Variants in EXOC4 observed in about 807,000 individuals in gnomAD.
The protein encoded by EXOC4 is SEC8-like 1.
A neutral mutation model predicts 107.2 loss-of-function variants in EXOC4; 71 were observed. The ratio of observed to expected loss-of-function variants is 0.66; its 90% CI spans 0.55 to 0.81. The LOEUF (loss-of-function observed/expected upper bound fraction) is 0.81, where lower values mean the gene tolerates loss of function less well. EXOC4 is among the 30% of genes least tolerant of loss of function. The pLI, the probability that EXOC4 is intolerant of heterozygous loss-of-function variation, is 0.00. For synonymous variants in EXOC4, 456 were observed against 441.2 expected, an observed-to-expected ratio of 1.03 and a Z score of -0.42; for missense variants, 1,108 against 1,189.6, an observed-to-expected ratio of 0.93 and a Z score of 1.01.
chr7:133,857,566 G>C (rs1299923506), intron 11 of EXOC4, among the ~76,000 whole-genome samples: 1 of 149,670 alleles, frequency 6.7e-6, no homozygotes, highest in Non-Finnish European at 1.5e-5. Flanking sequence ...TGCCCACTGA[G>C]GGCAAGCCAG....
At chr7:134,095,736 A>G in the EXOC4 span, among the ~76,000 whole-genome samples, 5 of 152,224 alleles carry the variant, frequency 3.3e-5, no homozygotes, top group Non-Finnish European at 4.4e-5. Context: ...CTTCCTATTC[A>G]ATAAATCTTG....
At chr7:133,937,707 C>T (rs1284478345) in intron 13 of EXOC4, among the ~76,000 whole-genome samples, 184 bp from the exon 14 acceptor site, 1 of 152,114 alleles carries the variant, frequency 6.6e-6, no homozygotes, top group Non-Finnish European at 1.5e-5. Flanking sequence ...GAACTTTTTC[C>T]CTTATCAGAA....
At chr7:133,329,469 G>C (rs1795327216) in intron 5 of EXOC4, among the ~76,000 whole-genome samples, 3 of 152,258 alleles carry the variant, frequency 2.0e-5, no homozygotes, top group South Asian at 2.1e-4. Context: ...TTCCCTTGCT[G>C]CTGAGGAGTT....
intron 9 of EXOC4, among the ~76,000 whole-genome samples, chr7:133,603,061 C>T (rs189416385): frequency 6.6e-6 from 1 of 152,066 alleles, no homozygotes; most frequent in African/African-American, 2.4e-5. Flanking sequence ...TTTTAGAAAT[C>T]AAGAATATAT....
chr7:133,555,219 CATGTAATGGTTAAGAAG>C, intron 9 of EXOC4, among the ~76,000 whole-genome samples: 1 of 152,184 alleles, frequency 6.6e-6, no homozygotes, highest in South Asian at 2.1e-4. Context: ...GGTCACTGAG[CATGTAATGGTTAAGAAG>C]ATGGTAATAT....
At chr7:133,683,264 A>G (rs1161501316) in intron 10 of EXOC4, among the ~76,000 whole-genome samples, 1 of 152,204 alleles carries the variant, frequency 6.6e-6, no homozygotes, top group Non-Finnish European at 1.5e-5. Context: ...TTCCAGGTCA[A>G]CAGGCTTACT....
At chr7:133,985,176 A>T (rs148837247) in intron 14 of EXOC4, among the ~76,000 whole-genome samples, 1 of 152,344 alleles carries the variant, frequency 6.6e-6, no homozygotes, top group East Asian at 1.9e-4. Context: ...TATTGTCCAT[A>T]GTCTTATGAC....
intron 11 of EXOC4, among the ~76,000 whole-genome samples, chr7:133,845,508 C>T (rs993287156): frequency 3.3e-5 from 5 of 151,484 alleles, no homozygotes; most frequent in Non-Finnish European, 5.9e-5. Context: ...GAGTTAGGCT[C>T]ATCCCAAACT....
chr7:133,990,268 T>TCCCCCCCC (rs60183854), intron 14 of EXOC4, among the ~76,000 whole-genome samples: 4 of 110,168 alleles, frequency 3.6e-5, no homozygotes, highest in African/African-American at 1.4e-4. Flanking sequence ...AACTTTCCCC[T>TCCCCCCCC]CCCCCCCCCA....
intron 7 of EXOC4, among the ~76,000 whole-genome samples, chr7:133,416,860 G>GC (rs1171141209): frequency 6.6e-6 from 1 of 152,180 alleles, no homozygotes; most frequent in African/African-American, 2.4e-5. Flanking sequence ...AATGCACGGT[G>GC]AGTGCCCTCC....
intron 10 of EXOC4, among the ~76,000 whole-genome samples, chr7:133,778,032 C>T (rs1471232135): frequency 6.6e-6 from 1 of 152,088 alleles, no homozygotes; most frequent in African/African-American, 2.4e-5. Context: ...AAAAAAATGT[C>T]TCTGAAAGGT....
chr7:133,782,293 T>C (rs1796484588), intron 10 of EXOC4, among the ~76,000 whole-genome samples: 1 of 152,216 alleles, frequency 6.6e-6, no homozygotes, highest in Admixed American at 6.5e-5. Flanking sequence ...GGATCCAAAG[T>C]AGCTAGATAC....
At chr7:133,321,881 A>G (rs145275792) in intron 5 of EXOC4, among the ~76,000 whole-genome samples, 4,205 of 152,300 alleles carry the variant, frequency 0.028, 91 homozygotes, top group Non-Finnish European at 0.041. Context: ...CCTCTCCAGC[A>G]TCTGTCGTTT....
chr7:133,451,412 C>T (rs1798344233), intron 7 of EXOC4, among the ~76,000 whole-genome samples: 1 of 151,900 alleles, frequency 6.6e-6, no homozygotes, highest in African/African-American at 2.4e-5. Context: ...TTCTTTAGCT[C>T]TAAATGGGAT....
chr7:133,598,317 A>G (rs960796363), intron 9 of EXOC4, among the ~76,000 whole-genome samples: 15 of 152,150 alleles, frequency 9.9e-5, no homozygotes, highest in South Asian at 2.1e-4. Flanking sequence ...ATGATCAATT[A>G]CTTAGTATTT....
At chr7:133,966,163 C>A (rs895326178) in intron 14 of EXOC4, among the ~76,000 whole-genome samples, 1 of 152,152 alleles carries the variant, frequency 6.6e-6, no homozygotes, top group Non-Finnish European at 1.5e-5. Flanking sequence ...GTGATTTTTG[C>A]ACATTGATTT....
chr7:133,445,864 A>C (rs117811746), intron 7 of EXOC4, among the ~76,000 whole-genome samples: 3,293 of 152,032 alleles, frequency 0.022, 38 homozygotes, highest in Non-Finnish European at 0.028. Flanking sequence ...ATACACAGAA[A>C]AATTAGCCAG....
intron 9 of EXOC4, among the ~76,000 whole-genome samples, chr7:133,544,326 C>A (rs1234718692): frequency 1.3e-5 from 2 of 151,948 alleles, no homozygotes; most frequent in African/African-American, 4.8e-5. Context: ...TTTTAGTTGC[C>A]TAATCATTTA....
chr7:133,351,203 G>C (rs1329999393), intron 5 of EXOC4, among the ~76,000 whole-genome samples: 3 of 151,894 alleles, frequency 2.0e-5, no homozygotes, highest in Non-Finnish European at 1.5e-5. Flanking sequence ...TTTGGTATCA[G>C]GGCAATGCTG....
Sources: gnomAD v4.1 joint callset for allele counts (sites outside exome capture counted in the v4.1 genomes callset) on GRCh38, gnomAD v4.1.1 for gene constraint, MANE v1.5 for transcripts, NCBI Gene and HGNC (gene_info 2026-07-23, HGNC 2026-07-21) for gene names.